The following PAG1 variants were observed in gnomAD, a reference collection of about 807,000 sequenced individuals.
PAG1 encodes phosphoprotein associated with glycosphingolipid-enriched microdomains 1.
Under a neutral mutation model 31.7 loss-of-function variants are expected in PAG1, and 23 were observed. That is an observed-to-expected ratio of 0.73 (90% CI 0.52 to 1.03). The LOEUF (loss-of-function observed/expected upper bound fraction) is 1.03. Among genes scored for constraint, PAG1 ranks in the 50% least tolerant of loss-of-function variants. The pLI is 0.00. For synonymous variants in PAG1, 214 were observed against 210.3 expected (o/e 1.02, Z -0.15); for missense variants, 473 against 540.7 (o/e 0.87, Z 1.24).
intron 2 of PAG1, among the ~76,000 whole-genome samples, chr8:81,055,958 C>T (rs1393726648): frequency 6.6e-6 from 1 of 152,172 alleles, no homozygotes; most frequent in African/African-American, 2.4e-5. Flanking sequence ...TTTCTTTCTT[C>T]TGCCTGATTG....
intron 1 of PAG1, among the ~76,000 whole-genome samples, chr8:81,080,686 T>G (rs1320404949): frequency 6.6e-6 from 1 of 152,180 alleles, no homozygotes; most frequent in Non-Finnish European, 1.5e-5. Flanking sequence ...GAAGCCTGGA[T>G]TTTTACATAT....
intron 3 of PAG1, among the ~76,000 whole-genome samples, chr8:81,004,709 A>G (rs745337899): frequency 8.1e-4 from 124 of 152,334 alleles, no homozygotes; most frequent in African/African-American, 2.7e-3. Flanking sequence ...TTTAATCACA[A>G]TAATTGCTGC....
At chr8:81,055,267 T>G (rs1808800275) in intron 2 of PAG1, among the ~76,000 whole-genome samples, 1 of 152,018 alleles carries the variant, frequency 6.6e-6, no homozygotes, top group Admixed American at 6.6e-5. Context: ...GGTCTCACTA[T>G]GTTGCCCATA....
intron 3 of PAG1, among the ~76,000 whole-genome samples, chr8:81,010,727 T>C (rs1314680588): frequency 6.6e-6 from 1 of 152,230 alleles, no homozygotes; most frequent in Non-Finnish European, 1.5e-5. Context: ...CACAGTACAC[T>C]TTGTTCAGCT....
intron 2 of PAG1, among the ~76,000 whole-genome samples, chr8:81,061,162 A>G (rs1258851086): frequency 2.0e-5 from 3 of 152,230 alleles, no homozygotes; most frequent in Non-Finnish European, 4.4e-5. Flanking sequence ...TGAGAAGTGA[A>G]GTATTCTTAA....
intron 2 of PAG1, among the ~76,000 whole-genome samples, chr8:81,044,934 T>A (rs1039263319): frequency 2.0e-5 from 3 of 152,120 alleles, no homozygotes; most frequent in African/African-American, 7.2e-5. Flanking sequence ...TCCCCGGGCA[T>A]AACTGGCTGT....
Position 81,109,524 on chromosome 8 carries a change from A to G in PAG1, c.-234+2067T>C, listed in dbSNP as rs577502814. Among the ~76,000 whole-genome samples the G allele has an allele frequency of 1.2e-4, 19 of 152,322 alleles. No homozygotes were observed. In the South Asian group the frequency reaches 3.5e-3, roughly 28 times the overall value. ...AATACCAGTTGGTGTCTGTATCGCT[A>G]GACAGTGCACAATAAATGTTTATAC... On this transcript the variant is annotated intron_variant, in intron 1 of 8. Transcript: ENST00000220597.
intron 2 of PAG1, among the ~76,000 whole-genome samples, chr8:81,063,037 T>C (rs1210001872): frequency 2.6e-5 from 4 of 152,146 alleles, no homozygotes; most frequent in African/African-American, 7.2e-5. Context: ...GAAGGAAATA[T>C]GTGAGTGAAG....
chr8:81,100,010 C>T (rs939565768), intron 1 of PAG1, among the ~76,000 whole-genome samples: 5 of 152,224 alleles, frequency 3.3e-5, no homozygotes, highest in African/African-American at 1.2e-4. Flanking sequence ...ATAAAACTTA[C>T]TCCTAATTGT....
At chr8:80,993,384 G>A in intron 3 of PAG1, 77 bp from the exon 4 acceptor site, 1 of 714,742 alleles carries the variant, frequency 1.4e-6, no homozygotes, top group Non-Finnish European at 2.2e-6. Flanking sequence ...CCTGTCAGGA[G>A]CAAGACCTTT....
At chr8:81,025,842 A>G (rs1013216925) in intron 3 of PAG1, among the ~76,000 whole-genome samples, 1 of 152,214 alleles carries the variant, frequency 6.6e-6, no homozygotes, top group Non-Finnish European at 1.5e-5. Flanking sequence ...AAATGCCATC[A>G]GTCAATGGGG....
In PAG1 at chr8:81,103,589, C is replaced by A. The variant is rs187609305; in HGVS notation, c.-234+8002G>T. 2.6e-5 allele frequency among the ~76,000 whole-genome samples: 4 copies of A among 152,234 alleles called. No individual in the cohort carries two copies. In the East Asian group the frequency reaches 7.7e-4, roughly 29 times the overall value. ...ATTATTTCCATCATCTCCAAATACT[C>A]CAGTTAGTCTATAATATAATGTGTC... is the stretch of plus-strand genomic sequence containing the variant. On this transcript the variant is annotated intron_variant, in intron 1 of 8. Coordinates refer to ENST00000220597, the MANE Select transcript of PAG1 (RefSeq NM_018440.4).
intron 1 of PAG1, among the ~76,000 whole-genome samples, chr8:81,079,531 C>A (rs1809231501): frequency 6.6e-6 from 1 of 152,038 alleles, no homozygotes; most frequent in Admixed American, 6.6e-5. Flanking sequence ...GGCAAATTCC[C>A]CTTCCGTGAA....
chr8:81,096,007 C>T (rs926140602), intron 1 of PAG1, among the ~76,000 whole-genome samples: 2 of 152,118 alleles, frequency 1.3e-5, no homozygotes, highest in African/African-American at 4.8e-5. Context: ...TTAAGTGAAG[C>T]GTTTTGTCTT....
At position 80,968,017 on chromosome 8, in the gene PAG1, A is replaced by AT. The variant is rs1310208328; in HGVS notation, c.*8526_*8527insA. ...ATTGAAATACTACTGGCAGAAACAT[A>AT]CGAAAACAAATACCCATTTCAGTTC... On this transcript the variant is annotated 3_prime_UTR_variant, in exon 9 of 9. Transcript: ENST00000220597. The AT allele has an allele frequency of 3.0e-4, 11 of 36,392 alleles. No individual in the cohort carries two copies. The highest frequency in any genetic ancestry group is 2.3e-3 in the Admixed American group (7 of 3,102). The allele number at this position is 36,392 out of a possible 1,614,324, so 2.3% of individuals were successfully genotyped here.
At chr8:80,999,684 G>A (rs1279082935) in intron 3 of PAG1, among the ~76,000 whole-genome samples, 2 of 152,186 alleles carry the variant, frequency 1.3e-5, no homozygotes, top group Admixed American at 6.5e-5. Context: ...CCCTTTTGGT[G>A]GAGGGGTATG....
chr8:81,059,484 C>T (rs2130916873), intron 2 of PAG1, among the ~76,000 whole-genome samples: 1 of 152,210 alleles, frequency 6.6e-6, no homozygotes, highest in Non-Finnish European at 1.5e-5. Context: ...AACATACCTC[C>T]TGCTTGGAAG....
At position 81,111,675 on chromosome 8, in the gene PAG1, C is replaced by T. The variant is rs943386774; in HGVS notation, c.-318G>A. 1 of 152,402 alleles carries T rather than the reference C, an allele frequency of 6.6e-6. No individual in the cohort carries two copies. The highest frequency in any genetic ancestry group is 6.5e-5 in the Admixed American group (1 of 15,290). 9.4% of individuals were successfully genotyped at this position (152,402 alleles called of 1,614,324 possible). A position where few individuals can be genotyped will look rare whatever the true frequency, so the allele number is the denominator to read the frequency against. On this transcript the variant is annotated 5_prime_UTR_variant, in exon 1 of 9. Coordinates refer to ENST00000220597, the MANE Select transcript of PAG1 (RefSeq NM_018440.4). The stretch of plus-strand genomic sequence containing the variant: ...ACTCCGGCGCGCAGCGCCGCCGCCC[C>T]GGCACAGCCCGGCAGCAGCGGCAAG...
At chr8:81,014,029 T>C (rs1242706253) in intron 3 of PAG1, among the ~76,000 whole-genome samples, 1 of 152,250 alleles carries the variant, frequency 6.6e-6, no homozygotes, top group Non-Finnish European at 1.5e-5. Context: ...TAAAAAATCA[T>C]TGCGGTAATT....
Sources: gnomAD v4.1 joint callset for allele counts (sites outside exome capture counted in the v4.1 genomes callset) on GRCh38, gnomAD v4.1.1 for gene constraint, MANE v1.5 for transcripts, NCBI Gene and HGNC (gene_info 2026-07-23, HGNC 2026-07-21) for gene names.